Variants in ZPBP observed in about 807,000 individuals in gnomAD.
The protein encoded by ZPBP is zona pellucida binding protein, also known as zona pellucida-binding protein 1.
In ZPBP, 26 loss-of-function variants were observed where a neutral mutation model predicts 44.8. The ratio of observed to expected loss-of-function variants is 0.58; its 90% CI spans 0.43 to 0.81. The LOEUF (loss-of-function observed/expected upper bound fraction) is 0.81. Ranked by LOEUF, ZPBP falls within the 30% of genes least tolerant of loss-of-function variation. The pLI, the probability that ZPBP is intolerant of heterozygous loss-of-function variation, is 0.00. For missense variants in ZPBP, 409 were observed against 434.0 expected (o/e 0.94, Z 0.51); for synonymous variants, 174 against 153.2 (o/e 1.14, Z -1.00).
At chr7:50,050,304 G>T (rs1800624549) in intron 4 of ZPBP, among the ~76,000 whole-genome samples, 1 of 151,966 alleles carries the variant, frequency 6.6e-6, no homozygotes, top group Admixed American at 6.6e-5. Flanking sequence ...GACTATTCTT[G>T]AAAACTATCT....
intron 2 of ZPBP, among the ~76,000 whole-genome samples, chr7:49,860,919 A>G (rs549462018): frequency 1.6e-4 from 24 of 152,340 alleles, no homozygotes; most frequent in Non-Finnish European, 3.5e-4. Context: ...CAAACCTCCC[A>G]ATACCTTGAC....
At chr7:49,892,735 G>A (rs1471223964) in intron 2 of ZPBP, among the ~76,000 whole-genome samples, 1 of 152,200 alleles carries the variant, frequency 6.6e-6, no homozygotes, top group African/African-American at 2.4e-5. Context: ...TGTGTGCAAA[G>A]GAGACAGTGA....
chr7:49,932,740 T>C (rs1052777896), downstream of ZPBP, among the ~76,000 whole-genome samples: 23 of 152,188 alleles, frequency 1.5e-4, no homozygotes, highest in African/African-American at 5.5e-4. Context: ...TTTAGCTGTG[T>C]CCCCACCCAA....
intron 7 of ZPBP, among the ~76,000 whole-genome samples, chr7:49,981,294 ATATT>A (rs1796865486): frequency 1.2e-5 from 1 of 81,208 alleles, no homozygotes; most frequent in African/African-American, 4.7e-5. Context: ...TATATAATAT[ATATT>A]ATATATAATT....
At chr7:50,077,448 G>A (rs1335950711) in intron 3 of ZPBP, among the ~76,000 whole-genome samples, 1 of 151,760 alleles carries the variant, frequency 6.6e-6, no homozygotes, top group Non-Finnish European at 1.5e-5. Context: ...AATCAATGAA[G>A]TGAAGAGACA....
At chr7:50,057,929 C>T (rs1220497154) in intron 4 of ZPBP, 60 bp downstream of exon 4, 6 of 1,490,336 alleles carry the variant, frequency 4.0e-6, no homozygotes, top group Non-Finnish European at 5.5e-6. Context: ...CCTACTTAAA[C>T]ATATTTAAAT....
At chr7:49,900,487 C>T (rs952765038) in intron 2 of ZPBP, among the ~76,000 whole-genome samples, 1 of 151,610 alleles carries the variant, frequency 6.6e-6, no homozygotes, top group Non-Finnish European at 1.5e-5. Context: ...CATTACAGAT[C>T]CCATGGACAT....
At chr7:49,903,343 C>A (rs577555963) in intron 1 of ZPBP, among the ~76,000 whole-genome samples, 7 of 152,106 alleles carry the variant, frequency 4.6e-5, no homozygotes, top group Non-Finnish European at 8.8e-5. Context: ...AAACAAAATG[C>A]CACTCAGTTG....
At chr7:50,007,061 T>A (rs1353484972) in intron 6 of ZPBP, among the ~76,000 whole-genome samples, 1 of 151,894 alleles carries the variant, frequency 6.6e-6, no homozygotes, top group East Asian at 1.9e-4. Context: ...GGAGCTGTTG[T>A]TCCTTCTACT....
chr7:49,851,348 G>A (rs1790172342), intron 2 of ZPBP, among the ~76,000 whole-genome samples: 1 of 152,196 alleles, frequency 6.6e-6, no homozygotes, highest in Admixed American at 6.5e-5. Flanking sequence ...TGGGTTCTCA[G>A]TGGACAGACA....
At chr7:49,847,350 A>C (rs1395288665), downstream of ZPBP, among the ~76,000 whole-genome samples, 1 of 152,072 alleles carries the variant, frequency 6.6e-6, no homozygotes, top group Non-Finnish European at 1.5e-5. Flanking sequence ...AAATTGGCAT[A>C]ATAGTGTTAT....
intron 2 of ZPBP, among the ~76,000 whole-genome samples, chr7:49,852,743 C>T (rs1790232691): frequency 6.6e-6 from 1 of 152,140 alleles, no homozygotes; most frequent in Non-Finnish European, 1.5e-5. Flanking sequence ...AAGTGATCGT[C>T]TTAATCAACT....
intron 7 of ZPBP, among the ~76,000 whole-genome samples, chr7:49,946,023 G>A (rs942438573): frequency 1.3e-5 from 2 of 151,874 alleles, no homozygotes; most frequent in African/African-American, 4.8e-5. Flanking sequence ...ATAATATCAC[G>A]TAACCTGTTA....
intron 7 of ZPBP, among the ~76,000 whole-genome samples, chr7:49,975,142 G>A (rs1257105314): frequency 1.3e-5 from 2 of 152,148 alleles, no homozygotes; most frequent in African/African-American, 2.4e-5. Flanking sequence ...GCAGGGGTCA[G>A]GGGTGTCATA....
intron 7 of ZPBP, among the ~76,000 whole-genome samples, chr7:49,964,696 A>C (rs536513686): frequency 2.0e-5 from 3 of 152,278 alleles, no homozygotes; most frequent in Middle Eastern, 6.8e-3. Flanking sequence ...ATCTATATGG[A>C]AATGCAAAGG....
chr7:49,940,710 A>AATGG (rs1794839771), intron 7 of ZPBP: 1 of 976,922 alleles, frequency 1.0e-6, no homozygotes, highest in Non-Finnish European at 1.2e-6. Flanking sequence ...TGGCATTTTT[A>AATGG]CTCACCACTG....
intron 7 of ZPBP, among the ~76,000 whole-genome samples, chr7:49,941,584 G>C (rs1013841474): frequency 2.6e-5 from 4 of 151,906 alleles, no homozygotes; most frequent in Non-Finnish European, 5.9e-5. Context: ...ACTCAACCAA[G>C]GTGGTGGAAT....
At chr7:49,968,050 GTA>G (rs1450866567) in intron 7 of ZPBP, among the ~76,000 whole-genome samples, 3 of 151,852 alleles carry the variant, frequency 2.0e-5, no homozygotes, top group Admixed American at 6.6e-5. Flanking sequence ...ATTTAATAGA[GTA>G]TTTTTTCTAA....
At chr7:49,851,808 C>T (rs1166999529) in intron 2 of ZPBP, among the ~76,000 whole-genome samples, 1 of 151,952 alleles carries the variant, frequency 6.6e-6, no homozygotes, top group Non-Finnish European at 1.5e-5. Context: ...CAGAGCCGAG[C>T]TTGCGCCATT....
Sources: allele counts gnomAD v4.1 joint callset (sites outside exome capture counted in the v4.1 genomes callset), GRCh38; gene constraint gnomAD v4.1.1; transcripts MANE v1.5; gene names NCBI Gene and HGNC (gene_info 2026-07-23, HGNC 2026-07-21).